Variants in WSCD1 observed in about 807,000 individuals in gnomAD.
The protein encoded by WSCD1 is sialate:O-sulfotransferase 1.
In WSCD1, 41 loss-of-function variants were observed where a neutral mutation model predicts 60.4. That is an observed-to-expected ratio of 0.68 (90% CI 0.53 to 0.88). WSCD1 has a LOEUF of 0.88. WSCD1 is among the 40% of genes least tolerant of loss of function. The pLI, the probability that WSCD1 is intolerant of heterozygous loss-of-function variation, is 0.00. For missense variants in WSCD1, 784 were observed against 796.2 expected (o/e 0.98, Z 0.18); for synonymous variants, 361 against 332.5 (o/e 1.09, Z -0.93).
rs556914842 is a variant in WSCD1, at chr17:6,121,978, G to A, written c.*1317G>A. Reference sequence around the variant, plus strand: ...GCCTCTGTGGAGGTCAGGGAGGTGGGAAGGTGGGTGGGCCTGAACTCAGGC... The same window carrying A: ...GCCTCTGTGGAGGTCAGGGAGGTGGAAAGGTGGGTGGGCCTGAACTCAGGC... On this transcript the variant is annotated 3_prime_UTR_variant, in exon 9 of 9. Transcript: ENST00000317744. 1.3e-5 allele frequency: 2 copies of A among 152,450 alleles called. No homozygotes were observed. Among genetic ancestry groups the A allele is most frequent in the African/African-American group, 4.8e-5 (2 of 41,574 alleles). The allele number at this position is 152,450 out of a possible 1,614,324, so 9.4% of individuals were successfully genotyped here.
At chr17:6,099,552 A>C (rs942642217) in intron 5 of WSCD1, among the ~76,000 whole-genome samples, 3 of 151,968 alleles carry the variant, frequency 2.0e-5, no homozygotes, top group African/African-American at 4.8e-5. Flanking sequence ...GGGTTCACTC[A>C]ATATGGTGAT....
chr17:6,108,160 C>T (rs1178170215), intron 5 of WSCD1, among the ~76,000 whole-genome samples: 1 of 152,180 alleles, frequency 6.6e-6, no homozygotes, highest in Non-Finnish European at 1.5e-5. Context: ...CCAGGCCCTG[C>T]GTCATCTTCG....
At chr17:6,086,264 T>TATATATATATATATATATATATATACAC (rs1909639751) in intron 2 of WSCD1, among the ~76,000 whole-genome samples, 2 of 134,754 alleles carry the variant, frequency 1.5e-5, no homozygotes, top group African/African-American at 5.3e-5. Flanking sequence ...TATATATATA[T>TATATATATATATATATATATATATACAC]ATATATATAT....
chr17:6,090,625 C>A, intron 4 of WSCD1, 120 bp downstream of exon 4: 1 of 1,357,060 alleles, frequency 7.4e-7, no homozygotes, highest in Non-Finnish European at 9.9e-7. Flanking sequence ...CTCTGCCCTC[C>A]CTTCCCTATT....
chr17:6,093,721 T>G (rs1910203437), intron 4 of WSCD1, among the ~76,000 whole-genome samples: 2 of 152,190 alleles, frequency 1.3e-5, no homozygotes, highest in Non-Finnish European at 2.9e-5. Flanking sequence ...TCAGGGGATG[T>G]GCGTGGGTAT....
At chr17:6,092,189 A>G (rs1264361740) in intron 4 of WSCD1, among the ~76,000 whole-genome samples, 1 of 151,226 alleles carries the variant, frequency 6.6e-6, no homozygotes, top group African/African-American at 2.4e-5. Flanking sequence ...TTGGATCAAA[A>G]GCTAAGGCTT....
intron 2 of WSCD1, among the ~76,000 whole-genome samples, chr17:6,083,375 G>T (rs1241832009): frequency 6.6e-6 from 1 of 152,218 alleles, no homozygotes; most frequent in East Asian, 1.9e-4. Context: ...GAGGAGCTCG[G>T]TCTGGTGATA....
rs550360912 is a variant in WSCD1, at chr17:6,113,131, G to C, written c.1174+2196G>C. 9.2e-4 allele frequency among the ~76,000 whole-genome samples: 140 copies of C among 152,064 alleles called. 1 individual carries two copies. Among genetic ancestry groups the C allele is most frequent in the Non-Finnish European group, 1.7e-3 (114 of 68,002 alleles). On this transcript the variant is annotated intron_variant, in intron 7 of 8. Coordinates refer to ENST00000317744, the MANE Select transcript of WSCD1 (RefSeq NM_015253.2). ...CCAATGGAACAAAATAGAGAACCCA[G>C]AAATAAATCCATGCATTTACAGCCA...
intron 5 of WSCD1, among the ~76,000 whole-genome samples, chr17:6,106,765 G>A (rs191766518): frequency 2.6e-5 from 4 of 152,298 alleles, no homozygotes; most frequent in Non-Finnish European, 5.9e-5. Context: ...ATGGTGGGAA[G>A]GGTTTGCAAC....
intron 2 of WSCD1, among the ~76,000 whole-genome samples, chr17:6,087,033 T>C (rs1909698801): frequency 6.6e-6 from 1 of 152,196 alleles, no homozygotes; most frequent in Non-Finnish European, 1.5e-5. Flanking sequence ...AGCGTGTTTA[T>C]CACAGGTGCC....
In WSCD1 at chr17:6,075,669, C is replaced by T. The variant is rs914091674; in HGVS notation, c.-288-4702C>T. ...GAACTCAGAATCTCCCTCCCCAGGC[C>T]CTGCTCTTCTGTAGGGTGACCCCAG... On this transcript the variant is annotated intron_variant, in intron 1 of 8. Coordinates refer to ENST00000317744, the MANE Select transcript of WSCD1 (RefSeq NM_015253.2). The surrounding 1 kb of genome is among the most constrained non-coding windows in gnomAD (Gnocchi z 4.1). Among the ~76,000 whole-genome samples, 3 of 152,166 alleles carry T rather than the reference C, an allele frequency of 2.0e-5. No homozygotes were observed. Among genetic ancestry groups the T allele is most frequent in the South Asian group, 4.1e-4 (2 of 4,826 alleles).
intron 2 of WSCD1, among the ~76,000 whole-genome samples, chr17:6,087,173 C>T (rs570059839): frequency 2.7e-4 from 41 of 152,332 alleles, no homozygotes; most frequent in African/African-American, 8.2e-4. Context: ...TGCCTACCCG[C>T]GTTTGCATCA....
chr17:6,079,056 T>C (rs116296299), intron 1 of WSCD1, among the ~76,000 whole-genome samples: 1 of 152,312 alleles, frequency 6.6e-6, no homozygotes, highest in African/African-American at 2.4e-5. Flanking sequence ...CGACCCAGAT[T>C]TCCAGATCTC....
chr17:6,106,788 T>A (rs1368190772), intron 5 of WSCD1, among the ~76,000 whole-genome samples: 2 of 151,252 alleles, frequency 1.3e-5, no homozygotes, highest in African/African-American at 4.9e-5. Flanking sequence ...GAAAAGGGGG[T>A]GGCCAGGGAA....
chr17:6,120,437 C>G lies in WSCD1; in HGVS notation c.1504C>G (p.Arg502Gly). 1 of 1,614,042 alleles carries G rather than the reference C, an allele frequency of 6.2e-7. No homozygotes were observed. Among genetic ancestry groups the G allele is most frequent in the Non-Finnish European group, 8.5e-7 (1 of 1,179,972 alleles). The change falls in exon 9 of 9, where the codon CGG (arginine) becomes GGG (glycine). Residue 502 changes from arginine (R) to glycine (G), a missense_variant. By Grantham distance (125) the Arg-to-Gly change is moderately radical. Transcript: ENST00000317744. ...ELRRSLVPTL[R>G]EMVAFLNVSV... ...GCGGCGCAGCCTGGTGCCCACGTTA[C>G]GGGAGATGGTGGCCTTCCTCAACGT...
intron 2 of WSCD1, among the ~76,000 whole-genome samples, chr17:6,082,366 A>T (rs1267997608): frequency 1.3e-5 from 2 of 152,166 alleles, no homozygotes; most frequent in African/African-American, 2.4e-5. Context: ...GGGCAACCAG[A>T]CTTCATCCGG....
intron 5 of WSCD1, among the ~76,000 whole-genome samples, chr17:6,096,413 G>A (rs1381157694): frequency 2.6e-5 from 4 of 152,212 alleles, no homozygotes; most frequent in East Asian, 3.9e-4. Context: ...GTGTTCCTCC[G>A]CACTCTGGGG....
At chr17:6,106,832 G>A (rs1911112460) in intron 5 of WSCD1, among the ~76,000 whole-genome samples, 2 of 152,134 alleles carry the variant, frequency 1.3e-5, no homozygotes, top group African/African-American at 4.8e-5. Context: ...AAGAAAGTGA[G>A]GGAGAGAGCT....
rs753092214 is a variant in WSCD1, at chr17:6,110,693, TC to T, written c.1010-76del. On this transcript the variant is annotated intron_variant, in intron 6 of 8. Coordinates refer to ENST00000317744, the MANE Select transcript of WSCD1 (RefSeq NM_015253.2). This position sits in a 1 kb window ranked among gnomAD's most constrained non-coding sequence, Gnocchi z 4.8. ...TAAATGGGAGTCTTCGTTCATCAGT[TC>T]CTCTAAGGGAGTTTAGTGGTGAATT... 33 of 1,496,442 alleles carry T rather than the reference TC, an allele frequency of 2.2e-5. No homozygotes were observed. Among genetic ancestry groups the T allele is most frequent in the Non-Finnish European group, 2.7e-5 (30 of 1,111,570 alleles). The allele number at this position is 1,496,442 out of a possible 1,614,324, so 92.7% of individuals were successfully genotyped here. A position where few individuals can be genotyped will look rare whatever the true frequency, so the allele number is the denominator to read the frequency against.
Sources: gnomAD v4.1 joint callset for allele counts (sites outside exome capture counted in the v4.1 genomes callset) on GRCh38, gnomAD v4.1.1 for gene constraint, Gnocchi (gnomAD v3.1) non-coding constraint, MANE v1.5 for transcripts, NCBI Gene and HGNC (gene_info 2026-07-23, HGNC 2026-07-21) for gene names.